Variants in CACNA1C observed in about 807,000 individuals in gnomAD.
The protein encoded by CACNA1C is voltage-dependent L-type calcium channel subunit alpha-1C.
Under a neutral mutation model 229.0 loss-of-function variants are expected in CACNA1C, and 30 were observed. The ratio of observed to expected loss-of-function variants is 0.13; its 90% CI spans 0.10 to 0.18. The LOEUF (loss-of-function observed/expected upper bound fraction) is 0.18. CACNA1C is among the 10% of genes least tolerant of loss of function. CACNA1C has a pLI of 1.00. For synonymous variants in CACNA1C, 1,114 were observed against 1,132.5 expected, an observed-to-expected ratio of 0.98 and a Z score of 0.33; for missense variants, 1,658 against 2,845.0, an observed-to-expected ratio of 0.58 and a Z score of 9.49.
chr12:2,412,604 A>G (rs927811611), intron 3 of CACNA1C, among the ~76,000 whole-genome samples: 2 of 152,218 alleles, frequency 1.3e-5, no homozygotes, highest in African/African-American at 4.8e-5. Flanking sequence ...CATTAATTCA[A>G]TTTAATTCAG....
chr12:2,079,935 A>T (rs2064827093), intron 1 of CACNA1C, among the ~76,000 whole-genome samples: 1 of 152,228 alleles, frequency 6.6e-6, no homozygotes, highest in Non-Finnish European at 1.5e-5. Context: ...TTGAAAACTG[A>T]AGTCACAGGA....
At chr12:2,189,407 A>T (rs966185172) in intron 3 of CACNA1C, among the ~76,000 whole-genome samples, 1 of 152,190 alleles carries the variant, frequency 6.6e-6, no homozygotes, top group African/African-American at 2.4e-5. Flanking sequence ...GTACAAGGAG[A>T]GAAGGCTGGA....
intron 1 of CACNA1C, among the ~76,000 whole-genome samples, chr12:2,022,278 G>A: frequency 6.6e-6 from 1 of 152,166 alleles, no homozygotes; most frequent in East Asian, 1.9e-4. Context: ...CTGGCCACCT[G>A]AGTTCAGGGG....
chr12:2,089,387 C>G (rs1053618695), intron 1 of CACNA1C, among the ~76,000 whole-genome samples: 2 of 152,176 alleles, frequency 1.3e-5, no homozygotes, highest in African/African-American at 4.8e-5. Flanking sequence ...TGCTGAGCAC[C>G]TCCTATGTGT....
chr12:2,537,903 G>T, intron 9 of CACNA1C, among the ~76,000 whole-genome samples: 1 of 151,932 alleles, frequency 6.6e-6, no homozygotes, highest in Admixed American at 6.6e-5. Context: ...GGTGGGGGTG[G>T]GAGAGGGAGT....
intron 8 of CACNA1C, among the ~76,000 whole-genome samples, chr12:2,511,571 T>TACACAC (rs35169529): frequency 0.025 from 3,790 of 149,970 alleles, 163 homozygotes; most frequent in African/African-American, 0.088. Flanking sequence ...CCTATGCATG[T>TACACAC]ACACACACAC....
intron 9 of CACNA1C, among the ~76,000 whole-genome samples, chr12:2,535,652 G>A (rs796154790): frequency 7.2e-6 from 1 of 139,204 alleles, no homozygotes; most frequent in East Asian, 2.2e-4. Flanking sequence ...GCTGCTGCAA[G>A]CTGTGATCAC....
chr12:2,564,902 A>G (rs2049501090), intron 11 of CACNA1C, among the ~76,000 whole-genome samples: 2 of 152,220 alleles, frequency 1.3e-5, no homozygotes, highest in South Asian at 4.2e-4. Context: ...CAACCTGATC[A>G]TGTCCTTTCC....
rs138320665 is a variant in CACNA1C, at chr12:1,998,365, C to G, written c.139+27164C>G. 5.8e-3 allele frequency among the ~76,000 whole-genome samples: 882 copies of G among 152,290 alleles called. 7 individuals carry two copies. Among genetic ancestry groups the G allele is most frequent in the African/African-American group, 0.02 (814 of 41,550 alleles). ...AGAAAGCTGCAGACATCACTGGTGTCTGCATTTCACTATCCTTCATTTTGT... is the reference window on the plus strand; with the variant it reads ...AGAAAGCTGCAGACATCACTGGTGTGTGCATTTCACTATCCTTCATTTTGT... On this transcript the variant is annotated intron_variant, in intron 1 of 46. Transcript: ENST00000682462.
chr12:2,291,988 C>T (rs1335935443), intron 3 of CACNA1C, among the ~76,000 whole-genome samples: 1 of 152,102 alleles, frequency 6.6e-6, no homozygotes, highest in African/African-American at 2.4e-5. Context: ...TCCCACTGTT[C>T]TGTTGGGCTT....
chr12:2,446,199 G>GTGGGTGGA (rs1297811979), intron 3 of CACNA1C, among the ~76,000 whole-genome samples: 19,491 of 136,514 alleles, frequency 0.14, 1,538 homozygotes, highest in Non-Finnish European at 0.18. Context: ...AGGTGGGTGG[G>GTGGGTGGA]TGGATGGATG....
chr12:2,378,048 G>T (rs757208453), intron 3 of CACNA1C, among the ~76,000 whole-genome samples: 1 of 152,114 alleles, frequency 6.6e-6, no homozygotes, highest in Non-Finnish European at 1.5e-5. Context: ...ATGATCCCCC[G>T]CAGAGCCGAG....
intron 1 of CACNA1C, among the ~76,000 whole-genome samples, chr12:2,018,860 G>T (rs2045888990): frequency 6.6e-6 from 1 of 152,128 alleles, no homozygotes; most frequent in Non-Finnish European, 1.5e-5. Context: ...CGATAACATT[G>T]GATTTTCTTT....
At chr12:2,163,207 A>AG (rs2095999985) in intron 3 of CACNA1C, among the ~76,000 whole-genome samples, 1 of 151,202 alleles carries the variant, frequency 6.6e-6, no homozygotes, top group African/African-American at 2.4e-5. Context: ...CCATCTCAAA[A>AG]AAAAAAAAAA....
intron 3 of CACNA1C, among the ~76,000 whole-genome samples, chr12:2,169,971 G>A (rs1332848434): frequency 1.3e-5 from 2 of 152,200 alleles, no homozygotes; most frequent in Non-Finnish European, 2.9e-5. Flanking sequence ...GAGGGGTTGA[G>A]GGAGAGTGAC....
At position 2,479,451 on chromosome 12, in the gene CACNA1C, C is replaced by T. The variant is rs537898227; in HGVS notation, c.758-6653C>T. ...CAATTCTAAGAGGAAGGACTTGTAG[C>T]GAAGCTTAGAATTTGCCCACCATCT... On this transcript the variant is annotated intron_variant, in intron 5 of 46. Coordinates refer to ENST00000399655, the MANE Select transcript of CACNA1C (RefSeq NM_000719.7). This position sits in a 1 kb window ranked among gnomAD's most constrained non-coding sequence, Gnocchi z 4.3. Among the ~76,000 whole-genome samples the T allele has an allele frequency of 2.6e-5, 4 of 152,284 alleles. No individual in the cohort carries two copies. The highest frequency in any genetic ancestry group is 2.1e-4 in the South Asian group (1 of 4,820).
At chr12:2,253,860 T>C (rs578157383) in intron 3 of CACNA1C, among the ~76,000 whole-genome samples, 16 of 152,338 alleles carry the variant, frequency 1.1e-4, no homozygotes, top group Admixed American at 1.0e-3. Context: ...TAATACATGA[T>C]GTGAAAACCT....
chr12:2,445,569 CAA>C (rs1224253427), intron 3 of CACNA1C, among the ~76,000 whole-genome samples: 3 of 152,104 alleles, frequency 2.0e-5, no homozygotes, highest in Admixed American at 2.0e-4. Context: ...CAAAGGTCAA[CAA>C]GAGAAGTCAC....
At chr12:2,157,156 T>G (rs926499817) in intron 3 of CACNA1C, among the ~76,000 whole-genome samples, 1 of 152,236 alleles carries the variant, frequency 6.6e-6, no homozygotes, top group African/African-American at 2.4e-5. Context: ...TGGCACAGTG[T>G]TCTCACCACA....
Sources: gnomAD v4.1 joint callset for allele counts (sites outside exome capture counted in the v4.1 genomes callset) on GRCh38, gnomAD v4.1.1 for gene constraint, Gnocchi (gnomAD v3.1) non-coding constraint, MANE v1.5 for transcripts, NCBI Gene and HGNC (gene_info 2026-07-23, HGNC 2026-07-21) for gene names.